The following SPAG16 variants were observed in gnomAD, a reference collection of about 807,000 sequenced individuals.
SPAG16 encodes sperm-associated antigen 16 protein.
A neutral mutation model predicts 80.4 loss-of-function variants in SPAG16; 86 were observed. The ratio of observed to expected loss-of-function variants is 1.07; its 90% confidence interval spans 0.90 to 1.28. The LOEUF (loss-of-function observed/expected upper bound fraction) is 1.28, where lower values mean the gene tolerates loss of function less well. Among genes scored for constraint, SPAG16 ranks in the 50% most tolerant of loss-of-function variants. SPAG16 has a pLI of 0.00. For synonymous variants in SPAG16, 294 were observed against 265.9 expected (o/e 1.11, Z -1.03); for missense variants, 870 against 765.3 (o/e 1.14, Z -1.61).
intron 10 of SPAG16, among the ~76,000 whole-genome samples, chr2:213,664,005 C>T (rs553618703): frequency 1.8e-4 from 27 of 152,156 alleles, no homozygotes; most frequent in African/African-American, 2.9e-4. Context: ...TCAGTCTCAG[C>T]GGGCTAAAAT....
intron 9 of SPAG16, among the ~76,000 whole-genome samples, chr2:213,417,275 C>T (rs1330004523): frequency 6.6e-6 from 1 of 152,148 alleles, no homozygotes. Context: ...GGCAAATAAA[C>T]TGGAAAACTT....
At chr2:213,997,190 A>G (rs2046563577) in intron 12 of SPAG16, among the ~76,000 whole-genome samples, 1 of 152,144 alleles carries the variant, frequency 6.6e-6, no homozygotes. Flanking sequence ...AATATTCCTC[A>G]TCTTTCACCT....
intron 9 of SPAG16, among the ~76,000 whole-genome samples, chr2:213,463,240 A>T (rs1394076380): frequency 6.6e-6 from 1 of 152,216 alleles, no homozygotes; most frequent in Non-Finnish European, 1.5e-5. Context: ...GAGGAAGTAG[A>T]ACACAAAAGT....
chr2:213,672,873 T>C (rs562283841), intron 10 of SPAG16, among the ~76,000 whole-genome samples: 92 of 150,362 alleles, frequency 6.1e-4, no homozygotes, highest in African/African-American at 2.2e-3. Context: ...TTTTTTTTTT[T>C]TTTGAGACGG....
intron 14 of SPAG16, among the ~76,000 whole-genome samples, chr2:214,116,751 C>T (rs1439996260): frequency 1.3e-5 from 2 of 152,182 alleles, no homozygotes; most frequent in East Asian, 3.9e-4. Flanking sequence ...GCCATGTCAT[C>T]CTTGGAACCT....
intron 10 of SPAG16, among the ~76,000 whole-genome samples, chr2:213,758,952 A>T (rs2068496717): frequency 6.6e-6 from 1 of 152,260 alleles, no homozygotes; most frequent in Non-Finnish European, 1.5e-5. Context: ...AATAATCAGT[A>T]AGATTATCAG....
At chr2:214,338,619 G>A (rs936467977) in intron 15 of SPAG16, among the ~76,000 whole-genome samples, 1 of 152,058 alleles carries the variant, frequency 6.6e-6, no homozygotes, top group African/African-American at 2.4e-5. Context: ...GATTCTCTCT[G>A]GGACCTTTAT....
intron 9 of SPAG16, among the ~76,000 whole-genome samples, chr2:213,456,089 G>A (rs1235293932): frequency 6.6e-6 from 1 of 152,206 alleles, no homozygotes; most frequent in African/African-American, 2.4e-5. Context: ...GCAGTGAGCA[G>A]CCAGACTTGG....
intron 10 of SPAG16, among the ~76,000 whole-genome samples, chr2:213,765,186 C>T (rs750680670): frequency 2.6e-5 from 4 of 152,214 alleles, no homozygotes; most frequent in South Asian, 2.1e-4. Flanking sequence ...CTGGCCAACA[C>T]GGTGAAACCA....
intron 15 of SPAG16, among the ~76,000 whole-genome samples, chr2:214,157,108 A>T (rs1457739203): frequency 6.6e-6 from 1 of 152,146 alleles, no homozygotes; most frequent in African/African-American, 2.4e-5. Context: ...AAGGAACTGG[A>T]GAAACTGAAG....
At chr2:213,353,776 T>C (rs932957974) in intron 7 of SPAG16, among the ~76,000 whole-genome samples, 6 of 152,204 alleles carry the variant, frequency 3.9e-5, no homozygotes, top group African/African-American at 1.4e-4. Flanking sequence ...CAGGATGCTC[T>C]ATGTCCTCAT....
At chr2:214,390,024 G>A (rs949226792) in intron 15 of SPAG16, among the ~76,000 whole-genome samples, 9 of 152,154 alleles carry the variant, frequency 5.9e-5, no homozygotes, top group African/African-American at 1.9e-4. Flanking sequence ...ACTGAAGCCC[G>A]ACACTATGTG....
intron 10 of SPAG16, among the ~76,000 whole-genome samples, chr2:213,859,857 T>G: frequency 6.6e-6 from 1 of 152,234 alleles, no homozygotes; most frequent in East Asian, 1.9e-4. Context: ...ACTATTGGGG[T>G]TGAGCATACA....
At chr2:213,476,819 T>A (rs11690087) in intron 9 of SPAG16, among the ~76,000 whole-genome samples, 40,533 of 152,142 alleles carry the variant, frequency 0.27, 6,268 homozygotes, top group Middle Eastern at 0.44. Flanking sequence ...TGCCCACAGC[T>A]TGGTGAGCAG....
At chr2:214,172,534 T>C (rs1195464455) in intron 15 of SPAG16, among the ~76,000 whole-genome samples, 2 of 152,158 alleles carry the variant, frequency 1.3e-5, no homozygotes, top group African/African-American at 4.8e-5. Flanking sequence ...AAGTCTTTGC[T>C]GTTGTGAATA....
chr2:214,027,183 G>A (rs558069618), intron 13 of SPAG16, among the ~76,000 whole-genome samples: 1 of 151,410 alleles, frequency 6.6e-6, no homozygotes, highest in South Asian at 2.1e-4. Context: ...TCCAATTTTT[G>A]TATGCTATAG....
At position 214,258,471 on chromosome 2, in the gene SPAG16, GTA is replaced by G. The variant is rs146532641; in HGVS notation, c.1720+109224_1720+109225del. Reference sequence around the variant, plus strand: ...ACAGTGTGTGTATGTATGTGTGTGTGTATATATATATATATATATACACACAC... The same window carrying G: ...ACAGTGTGTGTATGTATGTGTGTGTGTATATATATATATATATACACACAC... On this transcript the variant is annotated intron_variant, in intron 15 of 15. Transcript: ENST00000331683. Among the ~76,000 whole-genome samples the G allele has an allele frequency of 1.7e-3, 236 of 141,366 alleles. 1 individual carries two copies. The highest frequency in any genetic ancestry group is 4.8e-3 in the African/African-American group (182 of 38,176). The allele number at this position is 141,366 out of a possible 152,430, so 92.7% of individuals were successfully genotyped here.
intron 4 of SPAG16, among the ~76,000 whole-genome samples, chr2:213,315,879 G>T (rs535511401): frequency 1.1e-4 from 17 of 151,890 alleles, no homozygotes; most frequent in African/African-American, 4.1e-4. Context: ...CTCTTGCTTC[G>T]TCTTTTTTGG....
intron 11 of SPAG16, among the ~76,000 whole-genome samples, chr2:213,923,380 A>G (rs1403013863): frequency 1.3e-5 from 2 of 152,026 alleles, no homozygotes; most frequent in African/African-American, 4.8e-5. Context: ...CTGGGACAAC[A>G]GAAAGCTGCC....
Sources: gnomAD v4.1 joint callset for allele counts (sites outside exome capture counted in the v4.1 genomes callset) on GRCh38, gnomAD v4.1.1 for gene constraint, MANE v1.5 for transcripts, NCBI Gene and HGNC (gene_info 2026-07-23, HGNC 2026-07-21) for gene names.